The following HDAC1 variants were observed in gnomAD, a reference collection of about 807,000 sequenced individuals.
HDAC1 encodes histone deacetylase 1.
In HDAC1, 18 loss-of-function variants were observed where a neutral mutation model predicts 65.5. The ratio of observed to expected loss-of-function variants is 0.27; its 90% CI spans 0.19 to 0.41. HDAC1 has a LOEUF of 0.41. Ranked by LOEUF, HDAC1 falls within the 10% of genes least tolerant of loss-of-function variation. The pLI is 1.00. For synonymous variants in HDAC1, 211 were observed against 227.9 expected, an observed-to-expected ratio of 0.93 and a Z score of 0.67; for missense variants, 373 against 625.2, an observed-to-expected ratio of 0.60 and a Z score of 4.30.
At chr1:32,305,516 G>C (rs973929645) in intron 2 of HDAC1, among the ~76,000 whole-genome samples, 3 of 151,732 alleles carry the variant, frequency 2.0e-5, no homozygotes, top group African/African-American at 7.3e-5. Context: ...AATTTAGGTA[G>C]ACATGAAATG....
chr1:32,333,273 G>A lies in HDAC1; in HGVS notation c.*229G>A, dbSNP rs1641324785. 2.4e-6 allele frequency: 1 copy of A among 417,914 alleles called. No individual in the cohort carries two copies. The highest frequency in any genetic ancestry group is 4.0e-5 in the East Asian group (1 of 25,284). 25.9% of individuals were successfully genotyped at this position (417,914 alleles called of 1,614,324 possible). Reference sequence around the variant, plus strand: ...CCGTTCTTAACTTTGAACCATAAAGGGTGCCAGGTCTGGGTGAAAGGGATA... The same window carrying A: ...CCGTTCTTAACTTTGAACCATAAAGAGTGCCAGGTCTGGGTGAAAGGGATA... On this transcript the variant is annotated 3_prime_UTR_variant, in exon 14 of 14. Coordinates refer to ENST00000373548, the MANE Select transcript of HDAC1 (RefSeq NM_004964.3).
At chr1:32,297,559 A>AAAAAAG (rs901836745) in intron 1 of HDAC1, among the ~76,000 whole-genome samples, 1 of 152,136 alleles carries the variant, frequency 6.6e-6, no homozygotes, top group African/African-American at 2.4e-5. Flanking sequence ...CCCTGCCTCA[A>AAAAAAG]AAAAAGAAAA....
intron 2 of HDAC1, among the ~76,000 whole-genome samples, chr1:32,305,818 C>T (rs1640903545): frequency 6.6e-6 from 1 of 152,128 alleles, no homozygotes; most frequent in Non-Finnish European, 1.5e-5. Flanking sequence ...CTGTGTTAAC[C>T]AGGCTGGTCT....
chr1:32,315,561 C>A (rs921633411), intron 2 of HDAC1, among the ~76,000 whole-genome samples: 3 of 151,162 alleles, frequency 2.0e-5, no homozygotes, highest in Admixed American at 1.3e-4. Context: ...TCATATTGGT[C>A]AGGATGGTCT....
intron 2 of HDAC1, among the ~76,000 whole-genome samples, chr1:32,313,755 G>A (rs955838187): frequency 2.0e-5 from 3 of 152,036 alleles, no homozygotes; most frequent in African/African-American, 4.8e-5. Flanking sequence ...GGTTTTCTCC[G>A]GGTACTCCAT....
At chr1:32,293,703 AC>A (rs1237201067) in intron 1 of HDAC1, among the ~76,000 whole-genome samples, 1 of 152,076 alleles carries the variant, frequency 6.6e-6, no homozygotes, top group African/African-American at 2.4e-5. Context: ...GGAGTTCAAG[AC>A]CAGCCTGACC....
At chr1:32,313,307 G>A (rs1404361387) in intron 2 of HDAC1, among the ~76,000 whole-genome samples, 1 of 149,540 alleles carries the variant, frequency 6.7e-6, no homozygotes, top group Non-Finnish European at 1.5e-5. Context: ...GTTGGCCAGG[G>A]TGGTCTTGAA....
chr1:32,308,046 G>A (rs934581771), intron 2 of HDAC1, among the ~76,000 whole-genome samples: 6 of 152,224 alleles, frequency 3.9e-5, no homozygotes, highest in African/African-American at 7.2e-5. Flanking sequence ...CGGGCCGGGC[G>A]CAGTGGCTCA....
chr1:32,318,472 A>C (rs1361201763), intron 3 of HDAC1, among the ~76,000 whole-genome samples: 1 of 151,810 alleles, frequency 6.6e-6, no homozygotes, highest in African/African-American at 2.4e-5. Context: ...TTGAGGAGGG[A>C]GGATCTTTTG....
In HDAC1 at chr1:32,331,046, C is replaced by G; in HGVS notation, c.979+138C>G. The G allele has an allele frequency of 1.3e-6, 1 of 749,002 alleles. No homozygotes were observed. The highest frequency in any genetic ancestry group is 1.7e-5 in the South Asian group (1 of 58,306). The allele number at this position is 749,002 out of a possible 1,614,324, so 46.4% of individuals were successfully genotyped here. ...AGTCACTGAGTCTCCTGCCTGTCCTCTTGTGATCAGCAGACCATAACCATC... is the reference window on the plus strand; with the variant it reads ...AGTCACTGAGTCTCCTGCCTGTCCTGTTGTGATCAGCAGACCATAACCATC... On this transcript the variant is annotated intron_variant, in intron 9 of 13. Coordinates refer to ENST00000373548, the MANE Select transcript of HDAC1 (RefSeq NM_004964.3). The surrounding 1 kb of genome is among the most constrained non-coding windows in gnomAD (Gnocchi z 4.2).
chr1:32,321,213 AG>A (rs1641138196), intron 3 of HDAC1, among the ~76,000 whole-genome samples: 1 of 150,794 alleles, frequency 6.6e-6, no homozygotes, highest in Non-Finnish European at 1.5e-5. Context: ...GCTGGGCAAC[AG>A]AGCAAGACTC....
At position 32,302,698 on chromosome 1, in the gene HDAC1, C is replaced by T. The variant is rs748802628; in HGVS notation, c.127C>T (p.Leu43Phe). 2.5e-6 allele frequency: 4 copies of T among 1,600,050 alleles called. No homozygotes were observed. Among genetic ancestry groups the T allele is most frequent in the Non-Finnish European group, 3.4e-6 (4 of 1,167,156 alleles). ...AATCCGCATGACTCATAATTTGCTGCTCAACTATGGTCTCTACCGAAAAAT... is the reference window on the plus strand; with the variant it reads ...AATCCGCATGACTCATAATTTGCTGTTCAACTATGGTCTCTACCGAAAAAT... ...HRIRMTHNLL[L>F]NYGLYRKMEI... Residue 43 changes from leucine to phenylalanine, a missense_variant, in exon 2 of 14, where the codon CTC becomes TTC. This residue lies in a region of HDAC1 where 80 missense variants were observed against 126.3 expected (regional missense o/e 0.63). Transcript: ENST00000373548.
Position 32,331,992 on chromosome 1 carries a change from G to C in HDAC1, c.1220-98G>C. On this transcript the variant is annotated intron_variant, in intron 11 of 13. Coordinates refer to ENST00000373548, the MANE Select transcript of HDAC1 (RefSeq NM_004964.3). This position sits in a 1 kb window ranked among gnomAD's most constrained non-coding sequence, Gnocchi z 4.2. Reference sequence around the variant, plus strand: ...CCCTCTTCTGGTTCCCTTTCCCTTGGTGTCTCTTGGAGGACACGCAGGGAA... The same window carrying C: ...CCCTCTTCTGGTTCCCTTTCCCTTGCTGTCTCTTGGAGGACACGCAGGGAA... 7.0e-7 allele frequency: 1 copy of C among 1,426,972 alleles called. No individual in the cohort carries two copies. The highest frequency in any genetic ancestry group is 9.3e-7 in the Non-Finnish European group (1 of 1,071,102). 88.4% of individuals were successfully genotyped at this position (1,426,972 alleles called of 1,614,324 possible).
intron 3 of HDAC1, among the ~76,000 whole-genome samples, chr1:32,318,836 T>A (rs1557607531): frequency 6.6e-6 from 1 of 152,180 alleles, no homozygotes; most frequent in Admixed American, 6.6e-5. Context: ...AAATTCAGTC[T>A]GGCTGGGTGT....
intron 2 of HDAC1, among the ~76,000 whole-genome samples, chr1:32,304,904 G>C (rs540196585): frequency 1.3e-5 from 2 of 152,040 alleles, no homozygotes; most frequent in Non-Finnish European, 2.9e-5. Context: ...TAGAAACAGG[G>C]TCTTGCTGTT....
Position 32,332,165 on chromosome 1 carries a change from A to G in HDAC1, c.1295A>G (p.Lys432Arg), listed in dbSNP as rs752169112. The G allele has an allele frequency of 6.2e-7, 1 of 1,613,730 alleles. No individual in the cohort carries two copies. The highest frequency in any genetic ancestry group is 8.5e-7 in the Non-Finnish European group (1 of 1,179,694). Residue 432 changes from lysine to arginine, a missense_variant, in exon 12 of 14, where the codon AAG becomes AGG. Transcript: ENST00000373548. ...GAAGAGGAGGGAGAGGGGGGCCGCA[A>G]GAACTCTTCCAACTTCAAAAAAGCC... ...DSEEEGEGGR[K>R]NSSNFKKAKR...
chr1:32,316,848 C>A, intron 3 of HDAC1, 66 bp downstream of exon 3: 2 of 980,266 alleles, frequency 2.0e-6, no homozygotes, highest in Non-Finnish European at 3.3e-6. Context: ...ACTGTAGAGG[C>A]CCATTCTGCC....
At chr1:32,307,607 T>C (rs759064955) in intron 2 of HDAC1, among the ~76,000 whole-genome samples, 21 of 152,186 alleles carry the variant, frequency 1.4e-4, no homozygotes, top group Non-Finnish European at 3.1e-4. Flanking sequence ...TCATAACAAA[T>C]GGTTCACAAT....
At chr1:32,310,606 T>TTG (rs1557603957) in intron 2 of HDAC1, among the ~76,000 whole-genome samples, 1 of 152,012 alleles carries the variant, frequency 6.6e-6, no homozygotes, top group African/African-American at 2.4e-5. Context: ...TCCCAGCACT[T>TTG]TGGGAGGCTG....
Sources: allele counts gnomAD v4.1 joint callset (sites outside exome capture counted in the v4.1 genomes callset), GRCh38; gene constraint gnomAD v4.1.1; regional missense constraint gnomAD v4.1.1; non-coding constraint Gnocchi (gnomAD v3.1); transcripts MANE v1.5; gene names NCBI Gene and HGNC (gene_info 2026-07-23, HGNC 2026-07-21).